The following ADAM17 variants were observed in gnomAD, a reference collection of about 807,000 sequenced individuals.
ADAM17 encodes disintegrin and metalloproteinase domain-containing protein 17.
A neutral mutation model predicts 96.7 loss-of-function variants in ADAM17; 39 were observed. The observed-to-expected ratio is 0.40, with a 90% CI of 0.31 to 0.53. The LOEUF (loss-of-function observed/expected upper bound fraction) is 0.53, where lower values mean the gene tolerates loss of function less well. Among genes scored for constraint, ADAM17 ranks in the 20% least tolerant of loss-of-function variants. ADAM17 has a pLI of 0.44. For synonymous variants in ADAM17, 344 were observed against 359.2 expected, an observed-to-expected ratio of 0.96 and a Z score of 0.48; for missense variants, 777 against 1,013.2, an observed-to-expected ratio of 0.77 and a Z score of 3.17.
In ADAM17 at chr2:9,523,167, A is replaced by C. The variant is rs1483185649; in HGVS notation, c.843+82T>G. On this transcript the variant is annotated intron_variant, in intron 7 of 18. Coordinates refer to ENST00000310823, the MANE Select transcript of ADAM17 (RefSeq NM_003183.6). ...CTTATTTACAATTATTGTTAAGGACAAGTTTTTAGGTTTTGAATACAAGTG... is the reference window on the plus strand; with the variant it reads ...CTTATTTACAATTATTGTTAAGGACCAGTTTTTAGGTTTTGAATACAAGTG... 3 of 1,034,074 alleles carry C rather than the reference A, an allele frequency of 2.9e-6. 1 individual carries two copies. The highest frequency in any genetic ancestry group is 4.3e-4 in the Middle Eastern group (2 of 4,634). 64.1% of individuals were successfully genotyped at this position (1,034,074 alleles called of 1,614,324 possible). A position where few individuals can be genotyped will look rare whatever the true frequency, so the allele number is the denominator to read the frequency against.
intron 1 of ADAM17, among the ~76,000 whole-genome samples, chr2:9,554,780 A>G (rs1236859098): frequency 6.6e-6 from 1 of 152,192 alleles, no homozygotes; most frequent in Non-Finnish European, 1.5e-5. Context: ...ATCTAATGAA[A>G]TAGGAACCCT....
chr2:9,524,675 C>G (rs926030013), intron 6 of ADAM17, among the ~76,000 whole-genome samples: 1 of 152,162 alleles, frequency 6.6e-6, no homozygotes, highest in East Asian at 1.9e-4. Context: ...ACTGCCAACC[C>G]TATTCCCCCA....
intron 1 of ADAM17, among the ~76,000 whole-genome samples, chr2:9,544,319 A>G (rs924239483): frequency 3.3e-5 from 5 of 150,646 alleles, no homozygotes; most frequent in Admixed American, 3.3e-4. Flanking sequence ...GATCACCTGA[A>G]GCCAGGAGTT....
intron 2 of ADAM17, among the ~76,000 whole-genome samples, chr2:9,541,628 G>A (rs367569592): frequency 1.3e-5 from 2 of 152,238 alleles, no homozygotes; most frequent in Non-Finnish European, 2.9e-5. Flanking sequence ...CTCTGGGTCT[G>A]AGAAGTCTAA....
rs369992190 is a variant in ADAM17, at chr2:9,514,621, T to C, written c.1191+3280A>G. Among the ~76,000 whole-genome samples the C allele has an allele frequency of 2.9e-3, 420 of 143,284 alleles. 6 individuals are homozygous for C. In the South Asian group the frequency reaches 0.035, roughly 12 times the overall value. The allele number at this position is 143,284 out of a possible 152,430, so 94.0% of individuals were successfully genotyped here. ...AGGCACGGTGGCTCACGCCTGTAAT[T>C]CCAACACTTTGGGAGGCCAAGGCGG... On this transcript the variant is annotated intron_variant, in intron 10 of 18. Transcript: ENST00000310823.
rs138231532 is a variant in ADAM17 at position 9,504,252 on chromosome 2, C to G, written c.1544+914G>C. On this transcript the variant is annotated intron_variant, in intron 12 of 18. Transcript: ENST00000310823. ...ATGAAGTCAGGAGATCGAGACCATC[C>G]TGGCCAACATGCTAAAACTCCGTCT... 3.4e-3 allele frequency among the ~76,000 whole-genome samples: 518 copies of G among 151,546 alleles called. 2 individuals are homozygous for G. The highest frequency in any genetic ancestry group is 0.012 in the African/African-American group (493 of 41,246).
intron 7 of ADAM17, chr2:9,522,401 C>T (rs1428975136): frequency 3.5e-6 from 2 of 575,530 alleles, no homozygotes; most frequent in Admixed American, 2.3e-5. Flanking sequence ...TTTTCACTGG[C>T]TTTTGTACTG....
intron 1 of ADAM17, among the ~76,000 whole-genome samples, chr2:9,553,923 G>A (rs965460446): frequency 3.9e-5 from 6 of 152,064 alleles, no homozygotes; most frequent in East Asian, 1.9e-4. Flanking sequence ...TTAGCTGGGC[G>A]TGGTGGCACA....
intron 10 of ADAM17, among the ~76,000 whole-genome samples, chr2:9,514,565 ATAT>A (rs1663951938): frequency 6.6e-5 from 7 of 105,440 alleles, no homozygotes; most frequent in Non-Finnish European, 9.8e-5. Context: ...ATATATATAT[ATAT>A]AAATAAAAAG....
rs35602755 is a variant in ADAM17, at chr2:9,550,439, CTTTTTTTTTTT to C, written c.97+5059_97+5069del. On this transcript the variant is annotated intron_variant, in intron 1 of 18. Transcript: ENST00000310823. ...GCTAAACCTGTATCCGATACTCATT[CTTTTTTTTTTT>C]TTTTTTTTTTTTTGAGATGGAGTCT... Among the ~76,000 whole-genome samples, 10 of 74,166 alleles carry C rather than the reference CTTTTTTTTTTT, an allele frequency of 1.3e-4. No homozygotes were observed. In the East Asian group the frequency reaches 3.1e-3, roughly 23 times the overall value. The allele number at this position is 74,166 out of a possible 152,430, so 48.7% of individuals were successfully genotyped here. A position where few individuals can be genotyped will look rare whatever the true frequency, so the allele number is the denominator to read the frequency against.
At chr2:9,536,930 T>C in intron 2 of ADAM17, 102 bp from the exon 3 acceptor site, 1 of 1,330,112 alleles carries the variant, frequency 7.5e-7, no homozygotes, top group East Asian at 2.5e-5. Flanking sequence ...TTGACATTAA[T>C]AAAACACTAT....
chr2:9,498,091 G>GT (rs1662743309), intron 13 of ADAM17, among the ~76,000 whole-genome samples: 1 of 152,198 alleles, frequency 6.6e-6, no homozygotes, highest in Non-Finnish European at 1.5e-5. Context: ...AGGCAGGGGT[G>GT]TGATCATAGC....
chr2:9,535,997 A>T, intron 3 of ADAM17, 75 bp from the exon 4 acceptor site: 1 of 1,013,294 alleles, frequency 9.9e-7, no homozygotes, highest in South Asian at 2.1e-5. Context: ...CTCAATAAAA[A>T]TTAAATCCTT....
chr2:9,505,412 T>G (rs775438264), intron 11 of ADAM17, 47 bp from the exon 12 acceptor site: 2 of 1,535,760 alleles, frequency 1.3e-6, no homozygotes, highest in African/African-American at 1.4e-5. Flanking sequence ...ATCATAAAAA[T>G]GTATTCCCAT....
intron 4 of ADAM17, among the ~76,000 whole-genome samples, chr2:9,531,890 C>T (rs781024480): frequency 6.6e-6 from 1 of 152,106 alleles, no homozygotes; most frequent in South Asian, 2.1e-4. Flanking sequence ...TACAGTCAGA[C>T]ATTTGAGATC....
At chr2:9,509,710 CAA>C (rs1453616889) in intron 11 of ADAM17, among the ~76,000 whole-genome samples, 1 of 151,804 alleles carries the variant, frequency 6.6e-6, no homozygotes, top group Non-Finnish European at 1.5e-5. Context: ...TCCAGAACTC[CAA>C]AAAAAGCCAT....
At chr2:9,553,103 C>G (rs1260940910) in intron 1 of ADAM17, among the ~76,000 whole-genome samples, 2 of 151,992 alleles carry the variant, frequency 1.3e-5, no homozygotes, top group Non-Finnish European at 2.9e-5. Flanking sequence ...AGAAAAATAC[C>G]CACAAGGCCT....
intron 4 of ADAM17, among the ~76,000 whole-genome samples, chr2:9,530,898 T>C (rs908941245): frequency 3.3e-5 from 5 of 152,154 alleles, no homozygotes; most frequent in African/African-American, 7.2e-5. Flanking sequence ...GGGTATTTTT[T>C]AAAAAAATCT....
chr2:9,535,488 AAC>A (rs1396215907), intron 4 of ADAM17, among the ~76,000 whole-genome samples: 9 of 152,222 alleles, frequency 5.9e-5, no homozygotes, highest in Non-Finnish European at 4.4e-5. Context: ...CTAGCAGAAA[AAC>A]AGAGAAATTG....
Sources: gnomAD v4.1 joint callset for allele counts (sites outside exome capture counted in the v4.1 genomes callset) on GRCh38, gnomAD v4.1.1 for gene constraint, MANE v1.5 for transcripts, NCBI Gene and HGNC (gene_info 2026-07-23, HGNC 2026-07-21) for gene names.